PCDHA8: variants seen among roughly 807,000 people sequenced by gnomAD.
The protein encoded by PCDHA8 is protocadherin alpha 8, also known as protocadherin alpha-8.
A neutral mutation model predicts 61.8 loss-of-function variants in PCDHA8; 53 were observed. The observed-to-expected ratio is 0.86, with a 90% confidence interval of 0.69 to 1.08. PCDHA8 has a LOEUF of 1.08. Ranked by LOEUF, PCDHA8 falls within the 50% of genes least tolerant of loss-of-function variation. PCDHA8 has a pLI of 0.00. For synonymous variants in PCDHA8, 618 were observed against 556.6 expected (o/e 1.11, Z -1.55); for missense variants, 1,293 against 1,245.0 (o/e 1.04, Z -0.58).
Position 140,850,830 on chromosome 5 carries a change from T to C in PCDHA8, c.2394+7115T>C. On this transcript the variant is annotated intron_variant, in intron 1 of 3. Coordinates refer to ENST00000531613, the MANE Select transcript of PCDHA8 (RefSeq NM_018911.3). ...GGCCTTCAGCCCGGGCCTTTCTCCTTGTGCTGGATCTACAGAGCGAACGGG... is the reference window on the plus strand; with the variant it reads ...GGCCTTCAGCCCGGGCCTTTCTCCTCGTGCTGGATCTACAGAGCGAACGGG... 1.9e-6 allele frequency: 3 copies of C among 1,598,162 alleles called. 1 individual carries two copies. The highest frequency in any genetic ancestry group is 2.6e-6 in the Non-Finnish European group (3 of 1,167,540).
At chr5:140,909,872 G>A (rs1245615872) in intron 1 of PCDHA8, among the ~76,000 whole-genome samples, 2 of 152,182 alleles carry the variant, frequency 1.3e-5, no homozygotes, top group African/African-American at 4.8e-5. Flanking sequence ...GTCAACGTCA[G>A]CTTAGAGACA....
At chr5:140,920,868 T>C (rs1248971730) in intron 1 of PCDHA8, among the ~76,000 whole-genome samples, 4 of 149,716 alleles carry the variant, frequency 2.7e-5, no homozygotes, top group Non-Finnish European at 1.5e-5. Context: ...ACAAACAAAC[T>C]GTGGCCCTTA....
chr5:140,866,703 G>A (rs553518884), intron 1 of PCDHA8: 1 of 152,106 alleles, frequency 6.6e-6, no homozygotes, highest in East Asian at 1.9e-4. Flanking sequence ...AGTGGATGAC[G>A]TGCACTAGTA....
Position 140,843,585 on chromosome 5 carries a change from C to T in PCDHA8, c.2264C>T (p.Pro755Leu), listed in dbSNP as rs2150363108. ...AGCTGGTCATACTCGCAACAACAGC[C>T]GCAGAGGGTGTGCTCTGGTGAGGGG... ...VGSWSYSQQQ[P>L]QRVCSGEGPP... Residue 755 changes from proline (P) to leucine (L), a missense_variant, in exon 1 of 4, where the codon CCG becomes CTG. Pro to Leu is a moderately conservative substitution (Grantham distance 98). Coordinates refer to ENST00000531613, the MANE Select transcript of PCDHA8 (RefSeq NM_018911.3). 2.5e-6 allele frequency: 4 copies of T among 1,596,014 alleles called. No homozygotes were observed. The South Asian group carries it at 4.4e-5, about 18-fold the overall frequency.
chr5:140,982,917 C>T (rs2097016226), intron 3 of PCDHA8, among the ~76,000 whole-genome samples: 1 of 151,626 alleles, frequency 6.6e-6, no homozygotes, highest in Non-Finnish European at 1.5e-5. Context: ...ACAGAGATGA[C>T]ACTGTTAACA....
intron 1 of PCDHA8, among the ~76,000 whole-genome samples, chr5:140,872,773 C>CTA (rs1354761914): frequency 6.6e-6 from 1 of 152,078 alleles, no homozygotes; most frequent in Non-Finnish European, 1.5e-5. Context: ...GCTATATTAT[C>CTA]TATAATATAT....
At chr5:140,913,810 T>C (rs2076475017) in intron 1 of PCDHA8, among the ~76,000 whole-genome samples, 1 of 152,224 alleles carries the variant, frequency 6.6e-6, no homozygotes, top group South Asian at 2.1e-4. Context: ...AAATTTTCAA[T>C]TTCCTTTTAA....
At chr5:140,863,431 T>C (rs782746420) in intron 1 of PCDHA8, 12 of 648,614 alleles carry the variant, frequency 1.9e-5, no homozygotes, top group South Asian at 1.5e-4. Context: ...CGTAGTGGGA[T>C]CTGGTCTTAC....
Position 140,932,319 on chromosome 5 carries a change from G to A in PCDHA8, c.2395-46630G>A, listed in dbSNP as rs60286116. Among the ~76,000 whole-genome samples the A allele has an allele frequency of 3.3e-3, 499 of 151,902 alleles. 2 individuals are homozygous for A. The highest frequency in any genetic ancestry group is 0.012 in the African/African-American group (480 of 41,512). ...TTTTTAAAGGTATAAATATATTAATGTAGCAAAAATGCATGAAACACTTAC... is the reference window on the plus strand; with the variant it reads ...TTTTTAAAGGTATAAATATATTAATATAGCAAAAATGCATGAAACACTTAC... On this transcript the variant is annotated intron_variant, in intron 1 of 3. Transcript: ENST00000531613.
chr5:140,952,734 C>T (rs143946641), intron 1 of PCDHA8, among the ~76,000 whole-genome samples: 1 of 152,272 alleles, frequency 6.6e-6, no homozygotes, highest in East Asian at 1.9e-4. Flanking sequence ...CTAGTCTTTT[C>T]TCACACTGCT....
intron 1 of PCDHA8, chr5:140,856,917 G>C (rs782649806): frequency 6.3e-7 from 1 of 1,595,592 alleles, no homozygotes; most frequent in Non-Finnish European, 8.6e-7. Context: ...ACGATAAGAA[G>C]GAAATTTTGG....
rs782401003 is a variant in PCDHA8, at chr5:140,858,196, C to T, written c.2394+14481C>T. 3 of 1,597,174 alleles carry T rather than the reference C, an allele frequency of 1.9e-6. No individual in the cohort carries two copies. The East Asian group carries it at 6.7e-5, about 36-fold the overall frequency. On this transcript the variant is annotated intron_variant, in intron 1 of 3. Coordinates refer to ENST00000531613, the MANE Select transcript of PCDHA8 (RefSeq NM_018911.3). ...TGCTGGTGCTCACGCTGCTGCTGTA[C>T]ACTGCACTGAGGTGCTCGGCGGCGC...
At chr5:140,971,510 A>G (rs1166115283) in intron 1 of PCDHA8, among the ~76,000 whole-genome samples, 3 of 152,152 alleles carry the variant, frequency 2.0e-5, no homozygotes, top group Non-Finnish European at 2.9e-5. Flanking sequence ...TAGGAGCAAA[A>G]GCCACTCAGT....
rs1202814862 is a variant in PCDHA8 at position 140,851,185 on chromosome 5, A to C, written c.2394+7470A>C. On this transcript the variant is annotated intron_variant, in intron 1 of 3. Transcript: ENST00000531613. ...ATGCTGCCATAACACTTGAAAACCA[A>C]TTTAGTTGTTAGTCATTCATTAAAC... The C allele has an allele frequency of 2.4e-6, 3 of 1,237,650 alleles. No individual in the cohort carries two copies. In the African/African-American group the frequency reaches 4.7e-5, roughly 19 times the overall value. The allele number at this position is 1,237,650 out of a possible 1,614,324, so 76.7% of individuals were successfully genotyped here.
At chr5:140,892,980 G>A (rs568292110) in intron 1 of PCDHA8, among the ~76,000 whole-genome samples, 4 of 152,030 alleles carry the variant, frequency 2.6e-5, no homozygotes, top group Admixed American at 6.6e-5. Context: ...TGTAGCTGCC[G>A]TATAAGTGAG....
intron 1 of PCDHA8, chr5:140,848,897 A>T (rs1554142535): frequency 6.2e-7 from 1 of 1,605,658 alleles, no homozygotes. Context: ...CAGTGTTCCC[A>T]GCGACACAAA....
chr5:140,913,082 CA>C (rs1341633290), intron 1 of PCDHA8, among the ~76,000 whole-genome samples: 2 of 152,108 alleles, frequency 1.3e-5, no homozygotes, highest in Non-Finnish European at 2.9e-5. Flanking sequence ...TGTTTGGTAT[CA>C]GGATAATACT....
chr5:140,843,268 C>A lies in PCDHA8; in HGVS notation c.1947C>A (p.Val649=). The change falls in exon 1 of 4, where the codon GTC becomes GTA. Residue 649 remains valine (V), a synonymous_variant. Transcript: ENST00000531613. The part of the protein sequence containing the change: ...EADSPRHRLL[V]LVKDHGEPAL... ...ACTCTCCGCGCCACCGTCTGCTGGT[C>A]CTGGTGAAGGATCATGGTGAACCTG... is the stretch of plus-strand genomic sequence containing the variant. 6.3e-7 allele frequency: 1 copy of A among 1,596,100 alleles called. No individual in the cohort carries two copies. The highest frequency in any genetic ancestry group is 8.6e-7 in the Non-Finnish European group (1 of 1,165,596).
At chr5:140,863,032 G>T (rs781870887) in intron 1 of PCDHA8, 2 of 556,874 alleles carry the variant, frequency 3.6e-6, no homozygotes, top group East Asian at 9.4e-5. Context: ...CGCAACAGCT[G>T]CATCTGTCAG....
Sources: allele counts gnomAD v4.1 joint callset (sites outside exome capture counted in the v4.1 genomes callset), GRCh38; gene constraint gnomAD v4.1.1; transcripts MANE v1.5; gene names NCBI Gene and HGNC (gene_info 2026-07-23, HGNC 2026-07-21).